The following CSMD2 variants were observed in gnomAD, a reference collection of about 807,000 sequenced individuals.
The protein encoded by CSMD2 is CUB and Sushi multiple domains 2.
CSMD2 carries 130 observed loss-of-function variants against 398.5 expected under a neutral mutation model. That is an observed-to-expected ratio of 0.33 (90% CI 0.28 to 0.38). The LOEUF (loss-of-function observed/expected upper bound fraction) is 0.38, where lower values mean the gene tolerates loss of function less well. CSMD2 is among the 10% of genes least tolerant of loss of function. The pLI, the probability that CSMD2 is intolerant of heterozygous loss-of-function variation, is 1.00. For synonymous variants in CSMD2, 1,828 were observed against 1,908.5 expected (o/e 0.96, Z 1.10); for missense variants, 3,829 against 4,764.9 (o/e 0.80, Z 5.78).
intron 3 of CSMD2, among the ~76,000 whole-genome samples, chr1:34,015,737 G>A (rs966521795): frequency 6.6e-6 from 1 of 152,172 alleles, no homozygotes; most frequent in Non-Finnish European, 1.5e-5. Context: ...CAAAGTCAAT[G>A]GAATGAGTGG....
intron 19 of CSMD2, among the ~76,000 whole-genome samples, chr1:33,723,539 T>C (rs1646428242): frequency 6.6e-6 from 1 of 152,210 alleles, no homozygotes; most frequent in African/African-American, 2.4e-5. Context: ...TTAACATTTA[T>C]TTATAACCAG....
At position 33,533,743 on chromosome 1, in the gene CSMD2, C is replaced by T; in HGVS notation, c.9991+53G>A. 1 of 1,205,704 alleles carries T rather than the reference C, an allele frequency of 8.3e-7. No homozygotes were observed. The highest frequency in any genetic ancestry group is 1.2e-6 in the Non-Finnish European group (1 of 811,386). 74.7% of individuals were successfully genotyped at this position (1,205,704 alleles called of 1,614,324 possible). ...AGAGCATTCAAACATGACCCAGATGCCCAGCTGGGGCAAGAGGAATTTTCT... is the reference window on the plus strand; with the variant it reads ...AGAGCATTCAAACATGACCCAGATGTCCAGCTGGGGCAAGAGGAATTTTCT... On this transcript the variant is annotated intron_variant, in intron 63 of 70. Transcript: ENST00000373381. This position sits in a 1 kb window ranked among gnomAD's most constrained non-coding sequence, Gnocchi z 4.2.
At chr1:34,057,570 A>AGGTGGGCAGAGAGGGTCC (rs1553299491) in intron 2 of CSMD2, among the ~76,000 whole-genome samples, 1 of 152,050 alleles carries the variant, frequency 6.6e-6, no homozygotes, top group African/African-American at 2.4e-5. Flanking sequence ...AGCCAGAGAG[A>AGGTGGGCAGAGAGGGTCC]GGTGGGCAGA....
At chr1:33,814,181 T>C (rs913001538) in intron 9 of CSMD2, 4 of 152,360 alleles carry the variant, frequency 2.6e-5, no homozygotes, top group African/African-American at 9.6e-5. Flanking sequence ...TTTTCTTGCT[T>C]GTTCCAAGTC....
chr1:33,927,150 A>G (rs72665717), intron 4 of CSMD2, among the ~76,000 whole-genome samples: 1 of 152,098 alleles, frequency 6.6e-6, no homozygotes, highest in Non-Finnish European at 1.5e-5. Flanking sequence ...GTTGCGGCCC[A>G]CCCCCTTTTC....
intron 67 of CSMD2, among the ~76,000 whole-genome samples, chr1:33,522,608 A>C (rs980874857): frequency 6.6e-6 from 1 of 152,190 alleles, no homozygotes; most frequent in Admixed American, 6.5e-5. Flanking sequence ...GGTCCTGTCC[A>C]TGAGAATGCA....
chr1:33,960,146 G>C (rs1645305792), intron 3 of CSMD2, among the ~76,000 whole-genome samples: 1 of 152,134 alleles, frequency 6.6e-6, no homozygotes, highest in Admixed American at 6.5e-5. Flanking sequence ...GGGCTGTGCT[G>C]ACTGTCGTCT....
In CSMD2 at chr1:33,624,871, T is replaced by G. The variant is rs1642005461; in HGVS notation, c.5500+180A>C. On this transcript the variant is annotated intron_variant, in intron 34 of 70. Coordinates refer to ENST00000373381, the MANE Select transcript of CSMD2 (RefSeq NM_001281956.2). This position sits in a 1 kb window ranked among gnomAD's most constrained non-coding sequence, Gnocchi z 4.7. ...TGTGCCCCGTCCCCAGTACACCGGC[T>G]GTCTTCACACAGCCCACAGCGCCGG... 6.6e-6 allele frequency among the ~76,000 whole-genome samples: 1 copy of G among 152,130 alleles called. No individual in the cohort carries two copies. The highest frequency in any genetic ancestry group is 6.5e-5 in the Admixed American group (1 of 15,290).
rs565985669 is a variant in CSMD2, at chr1:33,936,419, C to G, written c.518-465G>C. On this transcript the variant is annotated intron_variant, in intron 3 of 70. Transcript: ENST00000373381. Reference sequence around the variant, plus strand: ...GTCCTTTCTTTCATGTGTGATCCACCCTGGCAGCCAGAGGGGCACTTTGGC... The same window carrying G: ...GTCCTTTCTTTCATGTGTGATCCACGCTGGCAGCCAGAGGGGCACTTTGGC... Among the ~76,000 whole-genome samples the G allele has an allele frequency of 1.2e-3, 180 of 152,286 alleles. 1 individual carries two copies. Among genetic ancestry groups the G allele is most frequent in the Non-Finnish European group, 2.8e-4 (19 of 68,024 alleles).
chr1:33,571,596 T>C lies in CSMD2; in HGVS notation c.7893A>G (p.Gln2631=), dbSNP rs893566759. The change falls in exon 51 of 71, where the codon CAA becomes CAG. Residue 2631 remains glutamine (Q), a synonymous_variant. Transcript: ENST00000373381. ...CATTGGCCTGACAGCGGATGACCCTTTGGCCAGTATAGTAGTAGCCAGGGT... is the reference window on the plus strand; with the variant it reads ...CATTGGCCTGACAGCGGATGACCCTCTGGCCAGTATAGTAGTAGCCAGGGT... ...ICDPGYYYTG[Q]RVIRCQANGK... is the part of the protein sequence containing the mutation. 6.4e-7 allele frequency: 1 copy of C among 1,572,156 alleles called. No homozygotes were observed.
chr1:33,567,811 T>C lies in CSMD2; in HGVS notation c.8162A>G (p.Tyr2721Cys), dbSNP rs1383976560. The C allele has an allele frequency of 4.4e-6, 7 of 1,602,420 alleles. No homozygotes were observed. The Admixed American group carries it at 8.5e-5, about 20-fold the overall frequency. ...ATQTKLHSIF[Y>C]KLLFDVLSSP... ...AGAGAGTACATCGAAGAGGAGCTTA[T>C]AGAAAATGGAGTGGAGCTTGGTCTG... Residue 2721 changes from tyrosine (Y) to cysteine (C), a missense_variant, in exon 53 of 71, where the codon TAT becomes TGT. By Grantham distance (194) the Tyr-to-Cys change is radical (BLOSUM62 -2). Around this residue, in one of 5 missense-constraint regions of CSMD2, gnomAD observed 723 missense variants for 758.6 expected, o/e 0.95. Transcript: ENST00000373381.
At chr1:33,545,273 T>C (rs1028301397) in intron 57 of CSMD2, among the ~76,000 whole-genome samples, 2 of 152,176 alleles carry the variant, frequency 1.3e-5, no homozygotes, top group African/African-American at 2.4e-5. Context: ...AGAGAGAGAT[T>C]TAAAAATATA....
intron 1 of CSMD2, among the ~76,000 whole-genome samples, chr1:34,123,920 G>A (rs1356132099): frequency 6.6e-6 from 1 of 152,162 alleles, no homozygotes; most frequent in Non-Finnish European, 1.5e-5. Flanking sequence ...TGTGAACACA[G>A]GCAGCTTAGG....
chr1:33,726,121 C>G (rs897590114), intron 16 of CSMD2, among the ~76,000 whole-genome samples: 3 of 152,150 alleles, frequency 2.0e-5, no homozygotes, highest in Non-Finnish European at 4.4e-5. Context: ...AGGGGCATAG[C>G]CAGGGTGGGA....
intron 36 of CSMD2, 57 bp downstream of exon 36, chr1:33,623,313 A>G (rs573231391): frequency 9.2e-7 from 1 of 1,086,708 alleles, no homozygotes; most frequent in East Asian, 2.4e-5. Context: ...AACAATGTTC[A>G]TGATGATGAG....
intron 2 of CSMD2, among the ~76,000 whole-genome samples, chr1:34,040,267 T>A (rs2053219): frequency 1.3e-5 from 2 of 152,098 alleles, no homozygotes; most frequent in South Asian, 2.1e-4. Flanking sequence ...TCAGTTTGCA[T>A]ATGAAAGGCA....
intron 2 of CSMD2, among the ~76,000 whole-genome samples, chr1:34,037,713 C>T (rs1651325198): frequency 6.6e-6 from 1 of 152,192 alleles, no homozygotes. Context: ...ATGGAGGAAG[C>T]TCAAACCTCA....
intron 44 of CSMD2, among the ~76,000 whole-genome samples, chr1:33,589,864 T>A (rs1475589346): frequency 6.6e-6 from 1 of 152,222 alleles, no homozygotes; most frequent in Non-Finnish European, 1.5e-5. Context: ...CAGTTTATCA[T>A]TTGCTTAGTT....
chr1:33,643,563 A>G (rs952582461), intron 29 of CSMD2, among the ~76,000 whole-genome samples: 1 of 151,788 alleles, frequency 6.6e-6, no homozygotes, highest in African/African-American at 2.4e-5. Flanking sequence ...CCTCACAACA[A>G]CTCCTTCGTT....
Sources: allele counts gnomAD v4.1 joint callset (sites outside exome capture counted in the v4.1 genomes callset), GRCh38; gene constraint gnomAD v4.1.1; regional missense constraint gnomAD v4.1.1; non-coding constraint Gnocchi (gnomAD v3.1); transcripts MANE v1.5; gene names NCBI Gene and HGNC (gene_info 2026-07-23, HGNC 2026-07-21).